Variants in VSTM4 observed in about 807,000 individuals in gnomAD.
The protein encoded by VSTM4 is V-set and transmembrane domain containing 4.
VSTM4 carries 20 observed loss-of-function variants against 36.4 expected under a neutral mutation model. That is an observed-to-expected ratio of 0.55 (90% confidence interval 0.39 to 0.80). The LOEUF is 0.80. Ranked by LOEUF, VSTM4 falls within the 30% of genes least tolerant of loss-of-function variation. The pLI is 0.00. For missense variants in VSTM4, 392 were observed against 404.5 expected (o/e 0.97, Z 0.26); for synonymous variants, 182 against 173.9 (o/e 1.05, Z -0.37).
chr10:49,041,251 C>T (rs991729559), intron 7 of VSTM4, among the ~76,000 whole-genome samples: 2 of 152,166 alleles, frequency 1.3e-5, no homozygotes, highest in Non-Finnish European at 2.9e-5. Context: ...CTGAGGTCAG[C>T]TCTTGTCTTT....
At chr10:49,106,710 G>A (rs757542231) in intron 2 of VSTM4, among the ~76,000 whole-genome samples, 5 of 152,194 alleles carry the variant, frequency 3.3e-5, no homozygotes, top group Non-Finnish European at 7.3e-5. Context: ...CCCAGCCAAA[G>A]CCATCAAGCC....
intron 1 of VSTM4, among the ~76,000 whole-genome samples, chr10:49,110,172 T>C (rs750191394): frequency 6.6e-6 from 1 of 152,076 alleles, no homozygotes; most frequent in Admixed American, 6.6e-5. Context: ...AGGCAGGAAA[T>C]TGAAACAAGA....
chr10:49,111,789 C>G (rs1441620886), intron 1 of VSTM4, among the ~76,000 whole-genome samples: 1 of 152,178 alleles, frequency 6.6e-6, no homozygotes, highest in African/African-American at 2.4e-5. Flanking sequence ...AAGGCAGCCA[C>G]TCATTGGGGA....
chr10:49,109,261 G>A (rs2132029368), intron 1 of VSTM4, among the ~76,000 whole-genome samples: 1 of 152,306 alleles, frequency 6.6e-6, no homozygotes, highest in South Asian at 2.1e-4. Flanking sequence ...CCTGGGCAGT[G>A]CTGCAGGGAA....
At chr10:49,051,295 T>C (rs541258942) in intron 5 of VSTM4, among the ~76,000 whole-genome samples, 1 of 152,260 alleles carries the variant, frequency 6.6e-6, no homozygotes, top group South Asian at 2.1e-4. Flanking sequence ...AGAGTTGGAA[T>C]GATACAATAT....
chr10:49,059,369 C>A (rs2131972516), intron 5 of VSTM4, among the ~76,000 whole-genome samples: 1 of 152,326 alleles, frequency 6.6e-6, no homozygotes, highest in South Asian at 2.1e-4. Context: ...GGCAGCCTTT[C>A]AACAAGATTC....
chr10:49,094,783 G>C (rs908153181), intron 2 of VSTM4, among the ~76,000 whole-genome samples: 1 of 152,128 alleles, frequency 6.6e-6, no homozygotes, highest in Admixed American at 6.5e-5. Context: ...TCAGTGGCAG[G>C]GGGTGGGGGG....
intron 7 of VSTM4, among the ~76,000 whole-genome samples, chr10:49,039,166 G>A (rs949029150): frequency 6.6e-6 from 1 of 152,124 alleles, no homozygotes; most frequent in Non-Finnish European, 1.5e-5. Context: ...AAAAGAAGGT[G>A]GTGAGTGAGC....
chr10:49,059,742 G>A (rs538498861), intron 5 of VSTM4, among the ~76,000 whole-genome samples: 13 of 152,208 alleles, frequency 8.5e-5, no homozygotes, highest in African/African-American at 1.7e-4. Context: ...CATAGTTGAC[G>A]TACCATAAAA....
intron 1 of VSTM4, among the ~76,000 whole-genome samples, chr10:49,108,579 G>A (rs1231019897): frequency 6.6e-6 from 1 of 152,210 alleles, no homozygotes; most frequent in African/African-American, 2.4e-5. Context: ...GAGTAGTAAG[G>A]TCGGATGTGA....
chr10:49,097,427 A>G (rs377096343), intron 2 of VSTM4, among the ~76,000 whole-genome samples: 2 of 151,750 alleles, frequency 1.3e-5, no homozygotes, highest in African/African-American at 4.9e-5. Context: ...AGAGATTCCC[A>G]AAGCTGAGGG....
intron 4 of VSTM4, among the ~76,000 whole-genome samples, chr10:49,071,069 A>C (rs1844070329): frequency 6.6e-6 from 1 of 152,228 alleles, no homozygotes; most frequent in Non-Finnish European, 1.5e-5. Flanking sequence ...AGTGCCTGGG[A>C]CAGGGGAGTC....
intron 2 of VSTM4, among the ~76,000 whole-genome samples, chr10:49,099,436 T>A (rs1198913690): frequency 6.6e-6 from 1 of 152,268 alleles, no homozygotes; most frequent in African/African-American, 2.4e-5. Flanking sequence ...TTCTCACTGA[T>A]GTTAAGAACA....
chr10:49,105,166 A>G (rs1844750981), intron 2 of VSTM4, among the ~76,000 whole-genome samples: 1 of 149,968 alleles, frequency 6.7e-6, no homozygotes, highest in Non-Finnish European at 1.5e-5. Context: ...ACAAAGAGAG[A>G]GACAGAAGGA....
chr10:49,111,850 C>T (rs1844899941), intron 1 of VSTM4, among the ~76,000 whole-genome samples: 1 of 152,132 alleles, frequency 6.6e-6, no homozygotes, highest in Non-Finnish European at 1.5e-5. Context: ...GAGAAAAGTG[C>T]AGGGTTTAAG....
At chr10:49,075,306 C>T (rs1324756193) in intron 4 of VSTM4, among the ~76,000 whole-genome samples, 3 of 152,098 alleles carry the variant, frequency 2.0e-5, no homozygotes, top group African/African-American at 7.2e-5. Flanking sequence ...GCCCCTGAGC[C>T]CAGGCAAAAG....
At chr10:49,095,178 T>C (rs1173701957) in intron 2 of VSTM4, among the ~76,000 whole-genome samples, 3 of 152,138 alleles carry the variant, frequency 2.0e-5, no homozygotes, top group African/African-American at 4.8e-5. Context: ...ATGTCCCCAA[T>C]GAGAAGCTAG....
Position 49,048,573 on chromosome 10 carries a change from G to A in VSTM4, c.680C>T (p.Thr227Ile). 1 of 1,589,446 alleles carries A rather than the reference G, an allele frequency of 6.3e-7. No individual in the cohort carries two copies. Among genetic ancestry groups the A allele is most frequent in the African/African-American group, 1.4e-5 (1 of 73,376 alleles). The change falls in exon 6 of 8, where the codon ACT becomes ATT. Residue 227 changes from threonine (T) to isoleucine (I), a missense_variant. By Grantham distance (89) the Thr-to-Ile change is moderately conservative (BLOSUM62 -1). Coordinates refer to ENST00000332853, the MANE Select transcript of VSTM4 (RefSeq NM_001031746.5). ...VKCPQNSSGE[T>I]VTSVTSLAPL... ...GGCCAAGCTGGTCACGCTAGTGACA[G>A]TCTCCCCTGAGCTGTAGAAGAAAAA...
rs117690420 is a variant in VSTM4, at chr10:49,070,581, C to T, written c.635-5845G>A. On this transcript the variant is annotated intron_variant, in intron 4 of 7. Transcript: ENST00000332853. ...CCCCTGCAGCTGCCCATGCCAGGAA[C>T]GGCAGTCACTCAGCACAGTGAAAGT... 5.1e-4 allele frequency among the ~76,000 whole-genome samples: 78 copies of T among 152,282 alleles called. No homozygotes were observed. In the East Asian group the frequency reaches 0.014, roughly 27 times the overall value.
Sources: gnomAD v4.1 joint callset for allele counts (sites outside exome capture counted in the v4.1 genomes callset) on GRCh38, gnomAD v4.1.1 for gene constraint, MANE v1.5 for transcripts, NCBI Gene and HGNC (gene_info 2026-07-23, HGNC 2026-07-21) for gene names.